CACNA2D1: variants seen among roughly 807,000 people sequenced by gnomAD.
CACNA2D1 encodes the protein calcium voltage-gated channel auxiliary subunit alpha2delta 1.
A neutral mutation model predicts 171.5 loss-of-function variants in CACNA2D1; 53 were observed. The observed-to-expected ratio is 0.31, with a 90% CI of 0.25 to 0.39. The LOEUF (loss-of-function observed/expected upper bound fraction) is 0.39. Among genes scored for constraint, CACNA2D1 ranks in the 10% least tolerant of loss-of-function variants. CACNA2D1 has a pLI of 1.00. For missense variants in CACNA2D1, 903 were observed against 1,299.8 expected, an observed-to-expected ratio of 0.69 and a Z score of 4.69; for synonymous variants, 442 against 443.1, an observed-to-expected ratio of 1.00 and a Z score of 0.03.
chr7:82,145,289 A>T (rs996424653), intron 4 of CACNA2D1, among the ~76,000 whole-genome samples: 7 of 145,020 alleles, frequency 4.8e-5, no homozygotes, highest in Non-Finnish European at 1.1e-4. Flanking sequence ...AATAAAAAAT[A>T]AAAATATATA....
chr7:82,392,561 CTGAG>C (rs142279734), intron 1 of CACNA2D1, among the ~76,000 whole-genome samples: 1,754 of 152,300 alleles, frequency 0.012, 62 homozygotes, highest in East Asian at 0.071. Context: ...GCCCAGTGGG[CTGAG>C]TGAGTGTAAC....
intron 2 of CACNA2D1, among the ~76,000 whole-genome samples, chr7:82,335,553 T>G (rs16887234): frequency 6.6e-6 from 1 of 152,142 alleles, no homozygotes; most frequent in Non-Finnish European, 1.5e-5. Context: ...AACTGGGTAT[T>G]ATCTGTCATC....
chr7:81,959,582 G>GT, intron 37 of CACNA2D1, 138 bp downstream of exon 37: 1 of 985,380 alleles, frequency 1.0e-6, no homozygotes, highest in Admixed American at 2.0e-5. Flanking sequence ...CAAATTTTGA[G>GT]TGAGGAATCG....
chr7:82,323,437 T>C (rs1476327403), intron 3 of CACNA2D1, among the ~76,000 whole-genome samples: 1 of 152,196 alleles, frequency 6.6e-6, no homozygotes, highest in Non-Finnish European at 1.5e-5. Flanking sequence ...TCCCAAGTTC[T>C]GGTTCTAGCT....
At chr7:82,036,477 C>G (rs1803301248) in intron 11 of CACNA2D1, among the ~76,000 whole-genome samples, 3 of 152,146 alleles carry the variant, frequency 2.0e-5, no homozygotes, top group African/African-American at 7.2e-5. Context: ...TACCTAAGTT[C>G]TAATCATTCT....
At position 82,265,714 on chromosome 7, in the gene CACNA2D1, T is replaced by G. The variant is rs571338564; in HGVS notation, c.294+69421A>C. On this transcript the variant is annotated intron_variant, in intron 3 of 38. Transcript: ENST00000356860. ...CTCGAAGATGAATTCATCTTAAAAT[T>G]ATATCATTCTTCAACCACTTGCCAT... Among the ~76,000 whole-genome samples the G allele has an allele frequency of 1.5e-4, 23 of 152,236 alleles. No homozygotes were observed. In the East Asian group the frequency reaches 4.1e-3, roughly 27 times the overall value.
At chr7:82,231,835 A>C (rs1802969361) in intron 3 of CACNA2D1, among the ~76,000 whole-genome samples, 1 of 152,304 alleles carries the variant, frequency 6.6e-6, no homozygotes, top group East Asian at 1.9e-4. Flanking sequence ...AATTAGAAAA[A>C]TAATGGTAAT....
At chr7:82,288,442 C>T (rs1321857745) in intron 3 of CACNA2D1, among the ~76,000 whole-genome samples, 1 of 151,798 alleles carries the variant, frequency 6.6e-6, no homozygotes, top group Non-Finnish European at 1.5e-5. Context: ...CACACACACA[C>T]ACACACACAC....
At chr7:82,004,594 G>A (rs1009805241) in intron 18 of CACNA2D1, among the ~76,000 whole-genome samples, 1 of 152,012 alleles carries the variant, frequency 6.6e-6, no homozygotes, top group Admixed American at 6.6e-5. Context: ...TCTAATATAT[G>A]ACTAACATTA....
Position 82,379,830 on chromosome 7 carries a change from C to T in CACNA2D1, c.96-30181G>A, listed in dbSNP as rs117190823. On this transcript the variant is annotated intron_variant, in intron 1 of 38. Coordinates refer to ENST00000356860, the MANE Select transcript of CACNA2D1 (RefSeq NM_000722.4). ...GAATTATCTCATGTGTACTATTGTC[C>T]TCTCTTCCTATATATATCCATCTTT... Among the ~76,000 whole-genome samples the T allele has an allele frequency of 4.3e-3, 652 of 152,112 alleles. 16 individuals carry two copies. In the East Asian group the frequency reaches 0.057, roughly 13 times the overall value.
chr7:82,404,598 T>A (rs1330528455), intron 1 of CACNA2D1, among the ~76,000 whole-genome samples: 1 of 152,242 alleles, frequency 6.6e-6, no homozygotes, highest in Non-Finnish European at 1.5e-5. Flanking sequence ...CTTGTTTTTG[T>A]AATGCATTAA....
intron 1 of CACNA2D1, among the ~76,000 whole-genome samples, chr7:82,350,528 G>C (rs184228154): frequency 1.3e-5 from 2 of 152,162 alleles, no homozygotes; most frequent in African/African-American, 4.8e-5. Context: ...AGCCAGGCTT[G>C]GTGGCGGACG....
At chr7:82,078,495 T>C (rs1185774956) in intron 7 of CACNA2D1, among the ~76,000 whole-genome samples, 1 of 152,184 alleles carries the variant, frequency 6.6e-6, no homozygotes. Context: ...CTTTAATTTA[T>C]ATAAATAAGT....
At chr7:82,443,202 G>C (rs1404948723) in intron 1 of CACNA2D1, among the ~76,000 whole-genome samples, 163 bp downstream of exon 1, 1 of 151,948 alleles carries the variant, frequency 6.6e-6, no homozygotes, top group Non-Finnish European at 1.5e-5. Flanking sequence ...GCGGCGAGCG[G>C]CGCGCACCGC....
At chr7:81,987,916 G>A (rs1213994580) in intron 21 of CACNA2D1, among the ~76,000 whole-genome samples, 5 of 152,104 alleles carry the variant, frequency 3.3e-5, no homozygotes, top group South Asian at 2.1e-4. Context: ...TGATGAAAAT[G>A]GAAGGAGACA....
At chr7:82,415,083 A>G (rs911054763) in intron 1 of CACNA2D1, among the ~76,000 whole-genome samples, 53 of 152,174 alleles carry the variant, frequency 3.5e-4, no homozygotes, top group African/African-American at 1.1e-3. Flanking sequence ...GTCTGACAAG[A>G]ATTATCCTAT....
At chr7:82,041,819 T>G (rs1803994582) in intron 10 of CACNA2D1, among the ~76,000 whole-genome samples, 1 of 152,194 alleles carries the variant, frequency 6.6e-6, no homozygotes, top group African/African-American at 2.4e-5. Context: ...GCCAATACAT[T>G]AATAGTAAAG....
At chr7:82,183,951 C>G (rs6467886) in intron 3 of CACNA2D1, among the ~76,000 whole-genome samples, 112,206 of 151,970 alleles carry the variant, frequency 0.74, 43,506 homozygotes, top group Non-Finnish European at 0.86. Context: ...GTTATCTCAA[C>G]CTATTCTTTG....
chr7:82,228,105 T>C (rs1322636569), intron 3 of CACNA2D1, among the ~76,000 whole-genome samples: 1 of 152,100 alleles, frequency 6.6e-6, no homozygotes, highest in Non-Finnish European at 1.5e-5. Flanking sequence ...TCCTAATCAG[T>C]TGATATTGAG....
Sources: allele counts gnomAD v4.1 joint callset (sites outside exome capture counted in the v4.1 genomes callset), GRCh38; gene constraint gnomAD v4.1.1; transcripts MANE v1.5; gene names NCBI Gene and HGNC (gene_info 2026-07-23, HGNC 2026-07-21).